LRRTM4: variants seen among roughly 807,000 people sequenced by gnomAD.
LRRTM4 encodes the protein leucine-rich repeat transmembrane neuronal protein 4.
LRRTM4 carries 25 observed loss-of-function variants against 47.6 expected under a neutral mutation model. That is an observed-to-expected ratio of 0.53 (90% CI 0.38 to 0.73). The LOEUF (loss-of-function observed/expected upper bound fraction) is 0.73. Ranked by LOEUF, LRRTM4 falls within the 30% of genes least tolerant of loss-of-function variation. The probability of loss-of-function intolerance (pLI) is 0.00; values close to 1 mark genes in which losing one functional copy is unlikely to be tolerated. For missense variants in LRRTM4, 638 were observed against 713.4 expected (o/e 0.89, Z 1.20); for synonymous variants, 311 against 269.5 (o/e 1.15, Z -1.51).
chr2:76,917,717 C>T (rs1463429155), intron 3 of LRRTM4, among the ~76,000 whole-genome samples: 1 of 152,088 alleles, frequency 6.6e-6, no homozygotes, highest in Non-Finnish European at 1.5e-5. Flanking sequence ...AAATGAGAAG[C>T]AATATGTCCC....
chr2:77,396,577 T>C (rs980905279), intron 3 of LRRTM4, among the ~76,000 whole-genome samples: 1 of 151,962 alleles, frequency 6.6e-6, no homozygotes, highest in Non-Finnish European at 1.5e-5. Context: ...AATTTAGTCT[T>C]TATAAAAGTT....
intron 3 of LRRTM4, among the ~76,000 whole-genome samples, chr2:76,832,454 CTTTTTTTTTTTT>C (rs541805872): frequency 2.1e-5 from 2 of 94,032 alleles, no homozygotes; most frequent in Admixed American, 2.4e-4. Context: ...CCTCGAAGGG[CTTTTTTTTTTTT>C]TTTTTTTTTT....
chr2:77,379,990 T>C (rs1049841962), intron 3 of LRRTM4, among the ~76,000 whole-genome samples: 2 of 152,122 alleles, frequency 1.3e-5, no homozygotes, highest in Non-Finnish European at 2.9e-5. Context: ...AAGGCATATG[T>C]AGCTTACATT....
intron 3 of LRRTM4, among the ~76,000 whole-genome samples, chr2:77,480,620 T>C (rs1483390353): frequency 6.6e-6 from 1 of 152,042 alleles, no homozygotes; most frequent in Non-Finnish European, 1.5e-5. Flanking sequence ...CTGCCACTAT[T>C]AATAAAGCAG....
At chr2:77,014,523 T>TATATATATATATA (rs1677989293) in intron 3 of LRRTM4, among the ~76,000 whole-genome samples, 6 of 149,690 alleles carry the variant, frequency 4.0e-5, no homozygotes, top group East Asian at 2.0e-4. Context: ...TATATAAAGA[T>TATATATATATATA]TTTATAGGCC....
intron 3 of LRRTM4, among the ~76,000 whole-genome samples, chr2:77,243,986 G>T (rs1451432927): frequency 7.9e-6 from 1 of 126,762 alleles, no homozygotes; most frequent in African/African-American, 3.1e-5. Context: ...TGATCTCATT[G>T]TTCAATTCCC....
At chr2:76,867,140 C>G (rs912264491) in intron 3 of LRRTM4, among the ~76,000 whole-genome samples, 1 of 151,980 alleles carries the variant, frequency 6.6e-6, no homozygotes, top group African/African-American at 2.4e-5. Context: ...ACCTAGATGA[C>G]GGGTTGATAG....
At chr2:77,226,456 A>G (rs932760917) in intron 3 of LRRTM4, among the ~76,000 whole-genome samples, 19 of 151,434 alleles carry the variant, frequency 1.3e-4, no homozygotes, top group African/African-American at 4.6e-4. Context: ...AAGCATAAAC[A>G]TGTAATCCTG....
chr2:77,484,011 T>C (rs1280111841), intron 3 of LRRTM4, among the ~76,000 whole-genome samples: 1 of 152,222 alleles, frequency 6.6e-6, no homozygotes, highest in Non-Finnish European at 1.5e-5. Flanking sequence ...ACAAAGTTTG[T>C]CTAAGATCCC....
At chr2:77,452,884 A>G (rs1317120503) in intron 3 of LRRTM4, among the ~76,000 whole-genome samples, 4 of 152,112 alleles carry the variant, frequency 2.6e-5, no homozygotes, top group Non-Finnish European at 5.9e-5. Flanking sequence ...TTCATTTTCT[A>G]AAGTGTTTAT....
chr2:77,201,493 G>T (rs1673973266), intron 3 of LRRTM4, among the ~76,000 whole-genome samples: 1 of 152,002 alleles, frequency 6.6e-6, no homozygotes, highest in Admixed American at 6.6e-5. Context: ...ACAATAGTTT[G>T]GTTGACAAAA....
chr2:77,489,022 T>C (rs965580615), intron 3 of LRRTM4, among the ~76,000 whole-genome samples: 2 of 151,020 alleles, frequency 1.3e-5, no homozygotes, highest in Non-Finnish European at 3.0e-5. Context: ...AATAAGAGAC[T>C]ACCTATGAAA....
intron 3 of LRRTM4, among the ~76,000 whole-genome samples, chr2:76,792,493 T>G (rs1221025762): frequency 6.6e-6 from 1 of 152,148 alleles, no homozygotes; most frequent in Admixed American, 6.5e-5. Context: ...CCTGAAGAGT[T>G]TGTAGTATAT....
At chr2:77,383,567 T>C (rs1329571860) in intron 3 of LRRTM4, among the ~76,000 whole-genome samples, 1 of 152,098 alleles carries the variant, frequency 6.6e-6, no homozygotes, top group East Asian at 1.9e-4. Flanking sequence ...TTATAGTTAA[T>C]ACAAAGTAAA....
chr2:76,913,792 G>T (rs902436825), intron 3 of LRRTM4, among the ~76,000 whole-genome samples: 4 of 151,830 alleles, frequency 2.6e-5, no homozygotes, highest in Admixed American at 6.6e-5. Flanking sequence ...ATCCATCTTG[G>T]CCTCCCAAAG....
At chr2:77,419,008 G>T (rs1674759039) in intron 3 of LRRTM4, among the ~76,000 whole-genome samples, 1 of 152,074 alleles carries the variant, frequency 6.6e-6, no homozygotes, top group South Asian at 2.1e-4. Context: ...ATATGTTTCT[G>T]CTAGATTATA....
At chr2:77,444,511 TAGA>T (rs1675972151) in intron 3 of LRRTM4, among the ~76,000 whole-genome samples, 1 of 152,100 alleles carries the variant, frequency 6.6e-6, no homozygotes, top group Non-Finnish European at 1.5e-5. Context: ...GAAGAGAAGA[TAGA>T]AGAAGATATG....
intron 3 of LRRTM4, among the ~76,000 whole-genome samples, chr2:77,037,548 CTGTTT>C (rs1182199789): frequency 6.7e-6 from 1 of 148,196 alleles, no homozygotes. Context: ...TCCTTTGTTG[CTGTTT>C]TATTACCAAA....
chr2:76,797,544 G>A (rs1675407860), intron 3 of LRRTM4, among the ~76,000 whole-genome samples: 1 of 151,848 alleles, frequency 6.6e-6, no homozygotes, highest in African/African-American at 2.4e-5. Flanking sequence ...AGACTAGGAA[G>A]AAACTGCATC....
Sources: allele counts gnomAD v4.1 joint callset (sites outside exome capture counted in the v4.1 genomes callset), GRCh38; gene constraint gnomAD v4.1.1; transcripts MANE v1.5; gene names NCBI Gene and HGNC (gene_info 2026-07-23, HGNC 2026-07-21).